ZNF44: variants seen among roughly 807,000 people sequenced by gnomAD.
The protein encoded by ZNF44 is zinc finger protein 44, also known as gonadotropin inducible transcription repressor-2.
ZNF44 carries 9 observed loss-of-function variants against 11.7 expected under a neutral mutation model. That is an observed-to-expected ratio of 0.77 (90% CI 0.46 to 1.35). The LOEUF (loss-of-function observed/expected upper bound fraction) is 1.35. ZNF44 is among the 40% of genes most tolerant of loss of function. The pLI is 0.00. For synonymous variants in ZNF44, 224 were observed against 242.7 expected (o/e 0.92, Z 0.72); for missense variants, 696 against 743.1 (o/e 0.94, Z 0.74).
chr19:12,293,562 G>A, intron 1 of ZNF44, among the ~76,000 whole-genome samples: 1 of 152,114 alleles, frequency 6.6e-6, no homozygotes, highest in East Asian at 1.9e-4. Context: ...TGTTTAAAAA[G>A]AGCCATACAT....
chr19:12,285,349 G>A (rs910442521), intron 1 of ZNF44, among the ~76,000 whole-genome samples: 4 of 152,076 alleles, frequency 2.6e-5, no homozygotes, highest in South Asian at 2.1e-4. Context: ...TCCACCTCCC[G>A]GGTCCAAGCA....
At chr19:12,248,543 T>C in exon 8 of ZNF44, 3 of 1,291,026 alleles carry the variant, frequency 2.3e-6, no homozygotes, top group Non-Finnish European at 3.0e-6. Context: ...TCAAGACTTT[T>C]CCACATACAC....
chr19:12,268,182 A>ACACACAC (rs1555739617), downstream of ZNF44, among the ~76,000 whole-genome samples: 93 of 99,534 alleles, frequency 9.3e-4, 1 homozygote, highest in East Asian at 9.0e-3. Context: ...ACACACACAC[A>ACACACAC]AGCTCCTTCC....
chr19:12,287,226 C>T (rs765465499), intron 1 of ZNF44, among the ~76,000 whole-genome samples: 4 of 152,020 alleles, frequency 2.6e-5, no homozygotes, highest in Non-Finnish European at 5.9e-5. Context: ...TGAGTCTTCA[C>T]TGTCCACATA....
intron 5 of ZNF44, among the ~76,000 whole-genome samples, chr19:12,252,871 C>T (rs1917068580): frequency 7.3e-6 from 1 of 137,704 alleles, no homozygotes. Flanking sequence ...ATGTTGCCTA[C>T]AAGAAACTTT....
chr19:12,274,616 TTA>T (rs1287938760), intron 3 of ZNF44, among the ~76,000 whole-genome samples: 2 of 150,770 alleles, frequency 1.3e-5, no homozygotes, highest in East Asian at 3.9e-4. Flanking sequence ...GTCACTTAGG[TTA>T]GAGTGCACCA....
chr19:12,272,225 G>T lies in ZNF44; in HGVS notation c.*182C>A. The T allele has an allele frequency of 9.8e-7, 1 of 1,023,696 alleles. No homozygotes were observed. The highest frequency in any genetic ancestry group is 1.3e-6 in the Non-Finnish European group (1 of 790,280). The allele number at this position is 1,023,696 out of a possible 1,614,324, so 63.4% of individuals were successfully genotyped here. A position where few individuals can be genotyped will look rare whatever the true frequency, so the allele number is the denominator to read the frequency against. On this transcript the variant is annotated 3_prime_UTR_variant, in exon 4 of 4. Coordinates refer to ENST00000355684, the MANE Select transcript of ZNF44 (RefSeq NM_016264.4). ...TTCCCATGTTAGCCAGGCTGGTCTC[G>T]ATCTCCTGGCCTCGTGATCTGCCCT...
chr19:12,224,909 A>G (rs1274120879), downstream of ZNF44: 1 of 151,374 alleles, frequency 6.6e-6, no homozygotes, highest in African/African-American at 2.4e-5. Context: ...TTCCGGCAGG[A>G]GAGGGGTTAT....
chr19:12,250,221 A>G, intron 6 of ZNF44: 1 of 1,350,142 alleles, frequency 7.4e-7, no homozygotes, highest in Non-Finnish European at 9.8e-7. Context: ...CAACAACATG[A>G]TGGAATGATT....
At chr19:12,226,321 T>G (rs965178386) in exon 4 of ZNF44, 2 of 152,230 alleles carry the variant, frequency 1.3e-5, no homozygotes, top group African/African-American at 4.8e-5. Flanking sequence ...CTTGAGGTTC[T>G]AAGATAACTT....
At chr19:12,239,724 C>T (rs924979296), upstream of ZNF44, among the ~76,000 whole-genome samples, 1 of 151,678 alleles carries the variant, frequency 6.6e-6, no homozygotes, top group Admixed American at 6.6e-5. Context: ...CAGGCGCATG[C>T]CACCACACGC....
exon 8 of ZNF44, chr19:12,247,702 C>T (rs1208429995): frequency 7.4e-7 from 1 of 1,352,652 alleles, no homozygotes; most frequent in Non-Finnish European, 9.8e-7. Flanking sequence ...TAGGGTTTCT[C>T]TCCAGTATGA....
chr19:12,282,611 C>A (rs1448256464), intron 1 of ZNF44, among the ~76,000 whole-genome samples: 1 of 151,938 alleles, frequency 6.6e-6, no homozygotes, highest in Non-Finnish European at 1.5e-5. Flanking sequence ...TTAGTAGAGA[C>A]AGGATTTCGC....
chr19:12,237,960 A>G (rs1330288975), upstream of ZNF44: 1 of 151,906 alleles, frequency 6.6e-6, no homozygotes, highest in African/African-American at 2.4e-5. Flanking sequence ...GCAGTTCCAC[A>G]CTCCGTGTCC....
intron 5 of ZNF44, chr19:12,260,477 G>A: frequency 7.5e-7 from 1 of 1,330,452 alleles, no homozygotes; most frequent in Non-Finnish European, 1.1e-6. Flanking sequence ...GCGCCATCCT[G>A]TGCAGCCAGA....
chr19:12,288,298 A>T (rs987811514), intron 1 of ZNF44, among the ~76,000 whole-genome samples: 1 of 152,226 alleles, frequency 6.6e-6, no homozygotes, highest in Admixed American at 6.5e-5. Context: ...TATAAAGTAT[A>T]TGTCAAGAAT....
chr19:12,279,293 G>A (rs1967368033), intron 1 of ZNF44, among the ~76,000 whole-genome samples: 1 of 152,088 alleles, frequency 6.6e-6, no homozygotes, highest in South Asian at 2.1e-4. Flanking sequence ...GGCTGAGGGA[G>A]GAGGACCACT....
Position 12,272,979 on chromosome 19 carries a change from A to G in ZNF44, c.1276T>C (p.Cys426Arg), listed in dbSNP as rs920260459. The G allele has an allele frequency of 1.9e-6, 3 of 1,613,936 alleles. No homozygotes were observed. The highest frequency in any genetic ancestry group is 2.5e-6 in the Non-Finnish European group (3 of 1,179,968). Residue 426 changes from cysteine (C) to arginine (R), a missense_variant, in exon 4 of 4, where the codon TGT (cysteine) becomes CGT (arginine). Cys to Arg is a radical substitution (Grantham distance 180, BLOSUM62 -3). Transcript: ENST00000355684. Reference protein sequence around the residue: ...TGEKPYECKQCGKAFRTSSSL... With the variant: ...TGEKPYECKQRGKAFRTSSSL... ...CTGGAAGTACGGAAGGCTTTCCCAC[A>G]TTGCTTGCATTCATAGGGTTTCTCT...
At chr19:12,225,702 C>T (rs573155161), downstream of ZNF44, among the ~76,000 whole-genome samples, 23 of 152,136 alleles carry the variant, frequency 1.5e-4, no homozygotes, top group African/African-American at 4.8e-4. Flanking sequence ...ACACGGGTGG[C>T]GTAGTAAATA....
Sources: allele counts gnomAD v4.1 joint callset (sites outside exome capture counted in the v4.1 genomes callset), GRCh38; gene constraint gnomAD v4.1.1; transcripts MANE v1.5; gene names NCBI Gene and HGNC (gene_info 2026-07-23, HGNC 2026-07-21).